Variants in FOXP2 observed in about 807,000 individuals in gnomAD.
FOXP2 encodes the protein forkhead box P2.
In FOXP2, 12 loss-of-function variants were observed where a neutral mutation model predicts 115.8. The ratio of observed to expected loss-of-function variants is 0.10; its 90% CI spans 0.07 to 0.17. FOXP2 has a LOEUF of 0.17. Ranked by LOEUF, FOXP2 falls within the 10% of genes least tolerant of loss-of-function variation. The probability of loss-of-function intolerance (pLI) is 1.00; values close to 1 mark genes in which losing one functional copy is unlikely to be tolerated. For missense variants in FOXP2, 629 were observed against 843.5 expected (o/e 0.75, Z 3.15); for synonymous variants, 328 against 297.7 (o/e 1.10, Z -1.05).
intron 2 of FOXP2, among the ~76,000 whole-genome samples, chr7:114,337,866 G>A (rs1797897886): frequency 6.6e-6 from 1 of 150,724 alleles, no homozygotes. Context: ...ACTTCACAAG[G>A]AAGTCCACAC....
At chr7:114,201,333 T>G (rs1472616188) in intron 1 of FOXP2, among the ~76,000 whole-genome samples, 1 of 151,526 alleles carries the variant, frequency 6.6e-6, no homozygotes, top group East Asian at 2.0e-4. Context: ...AGCTGGGTGG[T>G]GTTCCTGTTG....
intron 2 of FOXP2, among the ~76,000 whole-genome samples, chr7:114,471,112 AT>A (rs1171264981): frequency 5.3e-5 from 8 of 152,092 alleles, no homozygotes; most frequent in African/African-American, 1.9e-4. Flanking sequence ...ATTCTTCAGT[AT>A]TTTTTAAGTA....
intron 3 of FOXP2, among the ~76,000 whole-genome samples, chr7:114,566,140 A>G (rs1801007430): frequency 6.6e-6 from 1 of 152,186 alleles, no homozygotes; most frequent in South Asian, 2.1e-4. Flanking sequence ...CAAACACAAC[A>G]AAACAGTTGG....
chr7:114,109,259 C>A (rs1236665893), intron 1 of FOXP2, among the ~76,000 whole-genome samples: 2 of 151,988 alleles, frequency 1.3e-5, no homozygotes, highest in African/African-American at 4.8e-5. Flanking sequence ...GATTCAATGT[C>A]ATTGATGAAG....
chr7:114,546,775 T>A (rs1490002945), intron 3 of FOXP2, among the ~76,000 whole-genome samples: 1 of 152,254 alleles, frequency 6.6e-6, no homozygotes, highest in African/African-American at 2.4e-5. Flanking sequence ...ATACCATATT[T>A]TATTACAGTT....
intron 2 of FOXP2, among the ~76,000 whole-genome samples, chr7:114,302,949 C>T (rs1301301025): frequency 6.6e-6 from 1 of 152,068 alleles, no homozygotes; most frequent in African/African-American, 2.4e-5. Flanking sequence ...ATCAAGTGAG[C>T]TTAGAAGGGG....
intron 1 of FOXP2, among the ~76,000 whole-genome samples, chr7:114,099,557 A>G (rs1019016073): frequency 6.6e-6 from 1 of 152,188 alleles, no homozygotes; most frequent in African/African-American, 2.4e-5. Flanking sequence ...CCCCATAAAG[A>G]TATCTGTACT....
At chr7:114,541,075 G>T (rs2129281292) in intron 3 of FOXP2, among the ~76,000 whole-genome samples, 1 of 152,150 alleles carries the variant, frequency 6.6e-6, no homozygotes, top group South Asian at 2.1e-4. Flanking sequence ...CTGGAATAAG[G>T]ATAATCCTTT....
At chr7:114,591,677 A>G (rs550742577) in intron 3 of FOXP2, among the ~76,000 whole-genome samples, 15 of 151,978 alleles carry the variant, frequency 9.9e-5, no homozygotes, top group Non-Finnish European at 2.2e-4. Flanking sequence ...AATGGGGGTA[A>G]CCATTTCCAG....
intron 3 of FOXP2, among the ~76,000 whole-genome samples, chr7:114,559,609 G>C (rs751654361): frequency 6.6e-6 from 1 of 152,114 alleles, no homozygotes; most frequent in African/African-American, 2.4e-5. Context: ...TTGGCTGGGC[G>C]CGGTGGCTCA....
intron 1 of FOXP2, 60 bp downstream of exon 1, chr7:114,415,420 G>A (rs1325173156): frequency 1.0e-5 from 4 of 381,228 alleles, no homozygotes; most frequent in African/African-American, 2.1e-5. Context: ...GGGATTTTAC[G>A]ATTGCTTTAC....
intron 1 of FOXP2, among the ~76,000 whole-genome samples, chr7:114,174,709 G>C (rs1258297034): frequency 6.6e-6 from 1 of 152,018 alleles, no homozygotes; most frequent in Non-Finnish European, 1.5e-5. Context: ...GATGGGAGTT[G>C]AATCTTTCTT....
intron 1 of FOXP2, among the ~76,000 whole-genome samples, chr7:114,216,834 G>A (rs185766768): frequency 1.3e-5 from 2 of 152,210 alleles, no homozygotes; most frequent in East Asian, 1.9e-4. Flanking sequence ...ACTACATGAA[G>A]CAAATGGATT....
chr7:114,178,357 T>G (rs1313277922), intron 1 of FOXP2, among the ~76,000 whole-genome samples: 4 of 151,886 alleles, frequency 2.6e-5, no homozygotes, highest in African/African-American at 7.2e-5. Context: ...ACATAGTGAT[T>G]GCATATATTT....
At chr7:114,521,004 A>G (rs1202250406) in intron 2 of FOXP2, among the ~76,000 whole-genome samples, 1 of 152,148 alleles carries the variant, frequency 6.6e-6, no homozygotes, top group Non-Finnish European at 1.5e-5. Context: ...AAGTCTAAAT[A>G]TCTATCAGAA....
intron 2 of FOXP2, among the ~76,000 whole-genome samples, chr7:114,504,410 A>G (rs1311867630): frequency 1.9e-4 from 29 of 151,672 alleles, no homozygotes; most frequent in Admixed American, 1.9e-3. Context: ...TACTCCCAGC[A>G]ACATTTGTAT....
chr7:114,587,168 T>A (rs1802181948), intron 3 of FOXP2, among the ~76,000 whole-genome samples: 1 of 152,066 alleles, frequency 6.6e-6, no homozygotes, highest in Admixed American at 6.6e-5. Context: ...TATTAACCTG[T>A]CATCTAGGTT....
intron 2 of FOXP2, among the ~76,000 whole-genome samples, chr7:114,514,424 C>A (rs1051091411): frequency 1.3e-5 from 2 of 151,826 alleles, no homozygotes; most frequent in Admixed American, 1.3e-4. Context: ...TCCCTTATCC[C>A]CCTAGCCTCT....
At chr7:114,223,473 TTATATATTATATACATTATA>T (rs1794671884) in intron 1 of FOXP2, among the ~76,000 whole-genome samples, 1 of 147,462 alleles carries the variant, frequency 6.8e-6, no homozygotes, top group Non-Finnish European at 1.5e-5. Flanking sequence ...AAGGAATTCT[TTATATATTATATACATTATA>T]TATATATTAT....
Sources: gnomAD v4.1 joint callset for allele counts (sites outside exome capture counted in the v4.1 genomes callset) on GRCh38, gnomAD v4.1.1 for gene constraint, MANE v1.5 for transcripts, NCBI Gene and HGNC (gene_info 2026-07-23, HGNC 2026-07-21) for gene names.